The following GRIK2 variants were observed in gnomAD, a reference collection of about 807,000 sequenced individuals.
GRIK2 encodes the protein glutamate receptor ionotropic, kainate 2.
In GRIK2, 32 loss-of-function variants were observed where a neutral mutation model predicts 100.3. That is an observed-to-expected ratio of 0.32 (90% CI 0.24 to 0.43). GRIK2 has a LOEUF of 0.43. Among genes scored for constraint, GRIK2 ranks in the 20% least tolerant of loss-of-function variants. The pLI is 1.00. For missense variants in GRIK2, 843 were observed against 1,114.9 expected (o/e 0.76, Z 3.47); for synonymous variants, 417 against 389.4 (o/e 1.07, Z -0.83).
In GRIK2 at chr6:101,486,142, G is replaced by T. The variant is rs778971685; in HGVS notation, c.115+86750G>T. On this transcript the variant is annotated intron_variant, in intron 2 of 16. Transcript: ENST00000369134. ...ATTGACTGAGGAATACCATGCCTTG[G>T]TGTGTTCAGTCTCCTCTCCCTAGAA... Among the ~76,000 whole-genome samples, 141 of 152,030 alleles carry T rather than the reference G, an allele frequency of 9.3e-4. 1 individual carries two copies. Among genetic ancestry groups the T allele is most frequent in the Non-Finnish European group, 1.6e-4 (11 of 68,020 alleles).
intron 2 of GRIK2, among the ~76,000 whole-genome samples, chr6:101,473,235 C>T (rs952312420): frequency 2.0e-5 from 3 of 149,272 alleles, no homozygotes; most frequent in Non-Finnish European, 3.0e-5. Context: ...TCCTTGTTTT[C>T]AATTTAGAAT....
rs1490252957 is a variant in GRIK2 at position 101,802,412 on chromosome 6, A to G, written c.1177A>G (p.Ser393Gly). ...LRTDFDLDVI[S>G]LKEEGLEKIG... ...AACAGATTTTGATTTGGATGTGATC[A>G]GTCTGAAGGAAGAAGGTCTAGAAAA... The change falls in exon 9 of 17, where the codon AGT (serine) becomes GGT (glycine). Residue 393 changes from serine (S) to glycine (G), a missense_variant. Coordinates refer to ENST00000369134, the MANE Select transcript of GRIK2 (RefSeq NM_021956.5). The G allele has an allele frequency of 6.4e-7, 1 of 1,562,552 alleles. No homozygotes were observed. The highest frequency in any genetic ancestry group is 1.2e-5 in the South Asian group (1 of 85,172).
At chr6:101,491,903 G>T (rs942848006) in intron 2 of GRIK2, among the ~76,000 whole-genome samples, 1 of 148,166 alleles carries the variant, frequency 6.7e-6, no homozygotes, top group East Asian at 1.9e-4. Context: ...GTATATATGT[G>T]TGTATACATA....
At chr6:101,565,935 G>GTATATATATATATATATATGTGTATATA (rs1777244452) in intron 2 of GRIK2, among the ~76,000 whole-genome samples, 1 of 109,508 alleles carries the variant, frequency 9.1e-6, no homozygotes, top group Non-Finnish European at 1.8e-5. Context: ...ATATATATGT[G>GTATATATATATATATATATGTGTATATA]TATATATATA....
intron 9 of GRIK2, 80 bp downstream of exon 9, chr6:101,802,518 AT>A (rs1780739942): frequency 5.8e-6 from 3 of 517,516 alleles, no homozygotes; most frequent in Non-Finnish European, 6.9e-6. Context: ...TTGTAGTCAC[AT>A]TTCATTGACA....
intron 2 of GRIK2, among the ~76,000 whole-genome samples, chr6:101,456,292 G>T (rs1360073998): frequency 1.3e-5 from 2 of 152,006 alleles, no homozygotes; most frequent in Non-Finnish European, 2.9e-5. Flanking sequence ...ATGCTTAAGT[G>T]AAATGCAGAA....
chr6:101,607,074 C>A (rs1779467559), intron 2 of GRIK2, among the ~76,000 whole-genome samples: 1 of 151,996 alleles, frequency 6.6e-6, no homozygotes, highest in Admixed American at 6.6e-5. Flanking sequence ...GAAATTCCAT[C>A]TCTGCCTCTA....
At chr6:101,849,437 TA>T (rs1783989779) in intron 10 of GRIK2, among the ~76,000 whole-genome samples, 1 of 152,086 alleles carries the variant, frequency 6.6e-6, no homozygotes, top group Admixed American at 6.6e-5. Flanking sequence ...TTATTGTTGT[TA>T]AGGTGTAAGT....
chr6:101,554,238 G>C (rs1329755416), intron 2 of GRIK2, among the ~76,000 whole-genome samples: 3 of 152,188 alleles, frequency 2.0e-5, no homozygotes, highest in Non-Finnish European at 2.9e-5. Flanking sequence ...CAGGCCCTGA[G>C]AGACACAAAG....
chr6:102,006,368 T>TTTTA (rs774479060), intron 14 of GRIK2, among the ~76,000 whole-genome samples: 1 of 125,840 alleles, frequency 7.9e-6, no homozygotes, highest in African/African-American at 3.5e-5. Flanking sequence ...GATAAACCTT[T>TTTTA]TATATATATA....
intron 12 of GRIK2, among the ~76,000 whole-genome samples, chr6:101,924,279 A>G (rs1204480376): frequency 6.6e-6 from 1 of 152,080 alleles, no homozygotes; most frequent in South Asian, 2.1e-4. Flanking sequence ...ATGACTTTCT[A>G]GCTTTCAAAT....
At chr6:101,564,771 C>G (rs1777174992) in intron 2 of GRIK2, among the ~76,000 whole-genome samples, 1 of 152,122 alleles carries the variant, frequency 6.6e-6, no homozygotes, top group African/African-American at 2.4e-5. Flanking sequence ...TACCATGGAT[C>G]CAATGTGATC....
chr6:101,588,786 C>A (rs1778509373), intron 2 of GRIK2, among the ~76,000 whole-genome samples: 1 of 151,938 alleles, frequency 6.6e-6, no homozygotes, highest in African/African-American at 2.4e-5. Context: ...TGTAACAAAC[C>A]TGCACATTAT....
rs573278683 is a variant in GRIK2 at position 102,055,587 on chromosome 6, G to A, written c.2562+7G>A. On this transcript the variant is annotated splice_region_variant and intron_variant, in intron 16 of 16. Coordinates refer to ENST00000369134, the MANE Select transcript of GRIK2 (RefSeq NM_021956.5). ...AAACGCTCAATTGGAAAAGGTAAAT[G>A]TTACTTGTTTCAGTTTAAATTTAAA... The A allele has an allele frequency of 6.3e-7, 1 of 1,589,112 alleles. No homozygotes were observed. Among genetic ancestry groups the A allele is most frequent in the South Asian group, 1.1e-5 (1 of 89,818 alleles).
At chr6:101,988,130 T>TGC (rs1301992943) in intron 14 of GRIK2, among the ~76,000 whole-genome samples, 9 of 20,706 alleles carry the variant, frequency 4.3e-4, no homozygotes, top group Non-Finnish European at 6.8e-4. Context: ...TGTGTGTGTG[T>TGC]GTGCGCGCGC....
intron 2 of GRIK2, among the ~76,000 whole-genome samples, chr6:101,553,868 G>A (rs2128293254): frequency 6.6e-6 from 1 of 152,310 alleles, no homozygotes; most frequent in African/African-American, 2.4e-5. Flanking sequence ...ATCCTTATCA[G>A]GAGACGCCTT....
chr6:101,468,402 G>C (rs1771772796), intron 2 of GRIK2, among the ~76,000 whole-genome samples: 1 of 152,122 alleles, frequency 6.6e-6, no homozygotes, highest in South Asian at 2.1e-4. Context: ...AGAAATCTAA[G>C]TTTCAATTCC....
chr6:102,057,548 C>T (rs1000372686), intron 16 of GRIK2, among the ~76,000 whole-genome samples: 5 of 152,036 alleles, frequency 3.3e-5, no homozygotes, highest in African/African-American at 9.6e-5. Flanking sequence ...CCTTTTCAAA[C>T]GGAAACAATG....
chr6:101,789,176 A>C (rs1003251959), intron 7 of GRIK2, among the ~76,000 whole-genome samples: 2 of 152,076 alleles, frequency 1.3e-5, no homozygotes, highest in Non-Finnish European at 2.9e-5. Context: ...CTCTGATAGT[A>C]GTTTCTTTTG....
Sources: allele counts gnomAD v4.1 joint callset (sites outside exome capture counted in the v4.1 genomes callset), GRCh38; gene constraint gnomAD v4.1.1; transcripts MANE v1.5; gene names NCBI Gene and HGNC (gene_info 2026-07-23, HGNC 2026-07-21).